TMEM177: variants seen among roughly 807,000 people sequenced by gnomAD.
The protein encoded by TMEM177 is transmembrane protein 177.
A neutral mutation model predicts 14.2 loss-of-function variants in TMEM177; 4 were observed. That is an observed-to-expected ratio of 0.28 (90% CI 0.14 to 0.64). The LOEUF (loss-of-function observed/expected upper bound fraction) is 0.64, where lower values mean the gene tolerates loss of function less well. Among genes scored for constraint, TMEM177 ranks in the 30% least tolerant of loss-of-function variants. TMEM177 has a pLI of 0.82. For missense variants in TMEM177, 344 were observed against 405.2 expected, an observed-to-expected ratio of 0.85 and a Z score of 1.30; for synonymous variants, 179 against 174.5, an observed-to-expected ratio of 1.03 and a Z score of -0.20.
chr2:119,711,848 G>C, the TMEM177 span, among the ~76,000 whole-genome samples: 7 of 152,136 alleles, frequency 4.6e-5, no homozygotes, highest in African/African-American at 9.7e-5. Context: ...ACAGTCCTGG[G>C]GTGGGAAAGG....
At chr2:119,695,043 A>G in the TMEM177 span, among the ~76,000 whole-genome samples, 2 of 152,184 alleles carry the variant, frequency 1.3e-5, no homozygotes, top group Non-Finnish European at 2.9e-5. Flanking sequence ...GGGTCTTTAC[A>G]GCTCAGTGTC....
At chr2:119,702,581 T>G in the TMEM177 span, among the ~76,000 whole-genome samples, 1 of 152,320 alleles carries the variant, frequency 6.6e-6, no homozygotes, top group Admixed American at 6.5e-5. Context: ...ATTAAGTTAC[T>G]ACCACTTTTT....
downstream of TMEM177, chr2:119,685,736 G>A: frequency 1.4e-6 from 1 of 718,040 alleles, no homozygotes; most frequent in Admixed American, 2.0e-5. Context: ...AGGATTTGAA[G>A]CTGGCAGTCT....
downstream of TMEM177, chr2:119,686,516 C>T (rs1689017455): frequency 6.6e-6 from 1 of 152,312 alleles, no homozygotes. Context: ...TAGGGGGAAA[C>T]ACCAGGCTGG....
At chr2:119,698,133 C>T in the TMEM177 span, among the ~76,000 whole-genome samples, 3 of 152,132 alleles carry the variant, frequency 2.0e-5, no homozygotes, top group Non-Finnish European at 4.4e-5. Context: ...GCAAAGTCTC[C>T]CCGGTAATCT....
chr2:119,683,812 C>T (rs369052943), downstream of TMEM177, among the ~76,000 whole-genome samples: 26 of 152,324 alleles, frequency 1.7e-4, no homozygotes, highest in East Asian at 4.5e-3. Context: ...GCACTGTTCG[C>T]ATCCTCCAGT....
downstream of TMEM177, among the ~76,000 whole-genome samples, chr2:119,690,383 A>C (rs893590282): frequency 6.6e-6 from 1 of 152,206 alleles, no homozygotes; most frequent in Non-Finnish European, 1.5e-5. Flanking sequence ...ACCATGAGCC[A>C]GTTAAACCTC....
At chr2:119,697,663 C>T in the TMEM177 span, among the ~76,000 whole-genome samples, 1 of 152,196 alleles carries the variant, frequency 6.6e-6, no homozygotes, top group East Asian at 1.9e-4. Context: ...CTCGATTCCT[C>T]ACCCCTCCCC....
chr2:119,718,998 G>A, the TMEM177 span, among the ~76,000 whole-genome samples: 2 of 152,136 alleles, frequency 1.3e-5, no homozygotes, highest in African/African-American at 2.4e-5. Flanking sequence ...CTGGGACCTC[G>A]GTTCTGCATT....
At chr2:119,691,954 C>T in the TMEM177 span, among the ~76,000 whole-genome samples, 1 of 152,236 alleles carries the variant, frequency 6.6e-6, no homozygotes, top group African/African-American at 2.4e-5. Flanking sequence ...CTGGTCCCTG[C>T]AGATGGCCCA....
the TMEM177 span, among the ~76,000 whole-genome samples, chr2:119,708,317 A>C: frequency 3.3e-5 from 5 of 152,024 alleles, no homozygotes; most frequent in African/African-American, 9.7e-5. Flanking sequence ...TTTTGTGGAA[A>C]AAAAAATCTC....
At chr2:119,693,090 G>A in the TMEM177 span, among the ~76,000 whole-genome samples, 1 of 152,138 alleles carries the variant, frequency 6.6e-6, no homozygotes, top group Non-Finnish European at 1.5e-5. Context: ...GCCGGCATGG[G>A]GACCTGTAGC....
At chr2:119,706,504 G>A in the TMEM177 span, among the ~76,000 whole-genome samples, 2 of 152,172 alleles carry the variant, frequency 1.3e-5, no homozygotes, top group East Asian at 3.8e-4. Context: ...GGGCCACAGA[G>A]GTAATGCTGC....
chr2:119,711,046 A>G, the TMEM177 span, among the ~76,000 whole-genome samples: 4 of 152,184 alleles, frequency 2.6e-5, no homozygotes, highest in Admixed American at 2.6e-4. Flanking sequence ...CCCCAAGCAC[A>G]GGAAGAGAGA....
the TMEM177 span, among the ~76,000 whole-genome samples, chr2:119,696,663 G>T: frequency 6.6e-6 from 1 of 152,220 alleles, no homozygotes; most frequent in African/African-American, 2.4e-5. Flanking sequence ...TCTCAACAGT[G>T]TGGCCAAGGA....
chr2:119,693,083 G>A, the TMEM177 span, among the ~76,000 whole-genome samples: 113,374 of 151,930 alleles, frequency 0.75, 43,651 homozygotes, highest in East Asian at 0.88. Flanking sequence ...CAGTGGGGCC[G>A]GCATGGGGAC....
chr2:119,681,122 CTG>C lies in TMEM177; in HGVS notation c.272_273del (p.Val91GlufsTer28). On this transcript the variant is annotated frameshift_variant, in exon 2 of 2. Coordinates refer to ENST00000272521, the MANE Select transcript of TMEM177 (RefSeq NM_030577.3). LOFTEE classifies it high-confidence loss of function. ...CCCTTCACCACCTTCACCTTCCAAC[CTG>C]TGAGTGCAGGCTTCCCAAGACTCCC... 1 of 1,614,252 alleles carries C rather than the reference CTG, an allele frequency of 6.2e-7. No individual in the cohort carries two copies. The highest frequency in any genetic ancestry group is 1.1e-5 in the South Asian group (1 of 91,082).
the TMEM177 span, among the ~76,000 whole-genome samples, chr2:119,714,774 GC>G: frequency 0.031 from 4,733 of 152,320 alleles, 234 homozygotes; most frequent in African/African-American, 0.11. Context: ...CAAGAAAATG[GC>G]CAGGGGGCAG....
the TMEM177 span, among the ~76,000 whole-genome samples, chr2:119,720,024 G>T: frequency 6.6e-6 from 1 of 152,010 alleles, no homozygotes; most frequent in African/African-American, 2.4e-5. Context: ...TCAAACTCCT[G>T]ACCTCAAGCA....
Sources: allele counts gnomAD v4.1 joint callset (sites outside exome capture counted in the v4.1 genomes callset), GRCh38; gene constraint gnomAD v4.1.1; transcripts MANE v1.5; gene names NCBI Gene and HGNC (gene_info 2026-07-23, HGNC 2026-07-21).